RAI14: variants seen among roughly 807,000 people sequenced by gnomAD.
RAI14 encodes the protein ankycorbin.
Under a neutral mutation model 115.4 loss-of-function variants are expected in RAI14, and 45 were observed. The observed-to-expected ratio is 0.39, with a 90% confidence interval of 0.31 to 0.50. The LOEUF (loss-of-function observed/expected upper bound fraction) is 0.50. RAI14 is among the 20% of genes least tolerant of loss of function. The pLI, the probability that RAI14 is intolerant of heterozygous loss-of-function variation, is 0.85. For synonymous variants in RAI14, 371 were observed against 415.4 expected (o/e 0.89, Z 1.30); for missense variants, 939 against 1,131.2 (o/e 0.83, Z 2.44).
chr5:34,733,508 C>T (rs1254209874), intron 2 of RAI14, among the ~76,000 whole-genome samples: 2 of 152,200 alleles, frequency 1.3e-5, no homozygotes, highest in Non-Finnish European at 2.9e-5. Flanking sequence ...TGTCCCATCA[C>T]AATGTTCAAC....
chr5:34,791,175 T>G lies in RAI14; in HGVS notation c.168-4764T>G, dbSNP rs1752876953. Among the ~76,000 whole-genome samples the G allele has an allele frequency of 6.6e-6, 1 of 152,178 alleles. No homozygotes were observed. Among genetic ancestry groups the G allele is most frequent in the South Asian group, 2.1e-4 (1 of 4,830 alleles). ...ATCCATGTGTGTTGGTGCCCATATGTATTGTTTGGGGTTTGGTTATTCTCT... is the reference window on the plus strand; with the variant it reads ...ATCCATGTGTGTTGGTGCCCATATGGATTGTTTGGGGTTTGGTTATTCTCT... On this transcript the variant is annotated intron_variant, in intron 3 of 17. Coordinates refer to ENST00000265109, the MANE Select transcript of RAI14 (RefSeq NM_015577.3). The surrounding 1 kb of genome is among the most constrained non-coding windows in gnomAD (Gnocchi z 5.4).
intron 2 of RAI14, among the ~76,000 whole-genome samples, chr5:34,735,552 G>A (rs1006816707): frequency 6.6e-6 from 1 of 152,236 alleles, no homozygotes; most frequent in Non-Finnish European, 1.5e-5. Context: ...ACAAATGCAT[G>A]TGGTAATTTG....
In RAI14 at chr5:34,736,129, G is replaced by T. The variant is rs908870413; in HGVS notation, c.37-21339G>T. ...GTATAAGAAAAATTCAGCTGGGCGCGGTGACTCACGCCTGTAATCCCAGCA... is the reference window on the plus strand; with the variant it reads ...GTATAAGAAAAATTCAGCTGGGCGCTGTGACTCACGCCTGTAATCCCAGCA... On this transcript the variant is annotated intron_variant, in intron 2 of 17. Coordinates refer to ENST00000265109, the MANE Select transcript of RAI14 (RefSeq NM_015577.3). Among the ~76,000 whole-genome samples, 12 of 148,142 alleles carry T rather than the reference G, an allele frequency of 8.1e-5. No homozygotes were observed. In the South Asian group the frequency reaches 1.8e-3, roughly 22 times the overall value.
At chr5:34,714,354 T>A (rs1741761700) in intron 2 of RAI14, among the ~76,000 whole-genome samples, 1 of 152,198 alleles carries the variant, frequency 6.6e-6, no homozygotes, top group Admixed American at 6.5e-5. Flanking sequence ...ACTTCAAATT[T>A]TTAGAGAAGA....
At chr5:34,829,677 T>C (rs935594764) in intron 16 of RAI14, 55 bp from the exon 17 acceptor site, 42 of 1,485,890 alleles carry the variant, frequency 2.8e-5, no homozygotes, top group Non-Finnish European at 3.4e-5. Flanking sequence ...TTTTTTGTTT[T>C]TGTTCTTTAA....
chr5:34,765,837 C>T (rs1465388460), intron 3 of RAI14, among the ~76,000 whole-genome samples: 1 of 152,166 alleles, frequency 6.6e-6, no homozygotes, highest in Non-Finnish European at 1.5e-5. Flanking sequence ...CCAGGAGGCC[C>T]AGGAGGAAAA....
chr5:34,774,902 A>G (rs1750646039), intron 3 of RAI14, among the ~76,000 whole-genome samples: 1 of 152,242 alleles, frequency 6.6e-6, no homozygotes, highest in African/African-American at 2.4e-5. Flanking sequence ...ACAGCATGGT[A>G]CTGGCATGAA....
chr5:34,672,215 T>C (rs1743666262), intron 1 of RAI14, among the ~76,000 whole-genome samples: 1 of 152,224 alleles, frequency 6.6e-6, no homozygotes, highest in South Asian at 2.1e-4. Context: ...TCCATATTTC[T>C]GTATCACCTG....
intron 3 of RAI14, among the ~76,000 whole-genome samples, chr5:34,775,517 T>C (rs114813857): frequency 0.02 from 2,987 of 152,232 alleles, 105 homozygotes; most frequent in African/African-American, 0.068. Flanking sequence ...AGGATTGCTT[T>C]AGCCTACGAG....
intron 17 of RAI14, among the ~76,000 whole-genome samples, chr5:34,830,025 A>G (rs1757862374): frequency 6.6e-6 from 1 of 152,260 alleles, no homozygotes. Context: ...TCACTCTGTC[A>G]TGCAGGCTGG....
intron 2 of RAI14, among the ~76,000 whole-genome samples, chr5:34,715,481 TCCTGC>T (rs1741879116): frequency 6.6e-6 from 1 of 152,148 alleles, no homozygotes; most frequent in Admixed American, 6.5e-5. Context: ...CATGTGAAAC[TCCTGC>T]CTGGAATTTT....
intron 2 of RAI14, chr5:34,688,427 C>T (rs1738141452): frequency 5.8e-6 from 3 of 513,990 alleles, no homozygotes; most frequent in Non-Finnish European, 6.6e-6. Flanking sequence ...TGAACAGGGG[C>T]CCAGAGGAAT....
intron 2 of RAI14, among the ~76,000 whole-genome samples, chr5:34,704,024 C>G (rs561297031): frequency 6.6e-6 from 1 of 152,166 alleles, no homozygotes; most frequent in Non-Finnish European, 1.5e-5. Flanking sequence ...GGGGCTCCAC[C>G]CCAGAGCTAC....
intron 1 of RAI14, among the ~76,000 whole-genome samples, chr5:34,664,210 C>A (rs1288424433): frequency 1.3e-5 from 2 of 151,262 alleles, no homozygotes; most frequent in Admixed American, 6.6e-5. Flanking sequence ...GACATTTAGG[C>A]CAGGCACAGT....
At chr5:34,786,487 A>G (rs1752313507) in intron 3 of RAI14, among the ~76,000 whole-genome samples, 1 of 152,080 alleles carries the variant, frequency 6.6e-6, no homozygotes, top group African/African-American at 2.4e-5. Context: ...GCTGGCAAAC[A>G]AACCGGCTCT....
chr5:34,661,535 T>C (rs895563213), intron 1 of RAI14, among the ~76,000 whole-genome samples: 4 of 152,218 alleles, frequency 2.6e-5, no homozygotes, highest in African/African-American at 9.6e-5. Context: ...TCCTTCAGGG[T>C]AAGAAAACTT....
intron 2 of RAI14, among the ~76,000 whole-genome samples, chr5:34,747,009 T>C (rs913296023): frequency 1.4e-3 from 212 of 152,338 alleles, no homozygotes; most frequent in Non-Finnish European, 2.2e-3. Context: ...AAGTGCCTTT[T>C]GCCTCCTGCC....
At chr5:34,739,871 G>C (rs1458451872) in intron 2 of RAI14, among the ~76,000 whole-genome samples, 1 of 152,066 alleles carries the variant, frequency 6.6e-6, no homozygotes, top group Non-Finnish European at 1.5e-5. Context: ...AGACCAGCCT[G>C]ACCAACATGG....
At chr5:34,717,873 ACAT>A (rs1218366086) in intron 2 of RAI14, among the ~76,000 whole-genome samples, 2 of 128,664 alleles carry the variant, frequency 1.6e-5, no homozygotes, top group African/African-American at 6.3e-5. Context: ...AACTTGCTCT[ACAT>A]TCCTCATGGG....
Sources: allele counts gnomAD v4.1 joint callset (sites outside exome capture counted in the v4.1 genomes callset), GRCh38; gene constraint gnomAD v4.1.1; non-coding constraint Gnocchi (gnomAD v3.1); transcripts MANE v1.5; gene names NCBI Gene and HGNC (gene_info 2026-07-23, HGNC 2026-07-21).